The following MSRA variants were observed in gnomAD, a reference collection of about 807,000 sequenced individuals.
MSRA encodes methionine sulfoxide reductase A.
MSRA carries 54 observed loss-of-function variants against 31.3 expected under a neutral mutation model. The observed-to-expected ratio is 1.73, with a 90% confidence interval of 1.39 to 2.17. The LOEUF (loss-of-function observed/expected upper bound fraction) is 2.17, where lower values mean the gene tolerates loss of function less well. Among genes scored for constraint, MSRA ranks in the 30% most tolerant of loss-of-function variants. MSRA has a pLI of 0.00. For missense variants in MSRA, 507 were observed against 300.9 expected, an observed-to-expected ratio of 1.69 and a Z score of -5.07; for synonymous variants, 169 against 116.5, an observed-to-expected ratio of 1.45 and a Z score of -2.90.
At chr8:10,301,382 G>A (rs898123815) in intron 3 of MSRA, 152 bp from the exon 4 acceptor site, 16 of 610,498 alleles carry the variant, frequency 2.6e-5, no homozygotes, top group Non-Finnish European at 3.7e-5. Flanking sequence ...AGAGCCTTGA[G>A]AGAGACTCTT....
intron 1 of MSRA, among the ~76,000 whole-genome samples, chr8:10,121,074 A>G (rs1807266291): frequency 2.6e-5 from 4 of 152,230 alleles, no homozygotes; most frequent in Admixed American, 2.6e-4. Flanking sequence ...AAAAAATGCC[A>G]TTTGAAATGG....
chr8:10,081,320 C>T (rs1034170922), intron 1 of MSRA, among the ~76,000 whole-genome samples: 1 of 152,212 alleles, frequency 6.6e-6, no homozygotes, highest in Non-Finnish European at 1.5e-5. Flanking sequence ...GGGCCTCCTG[C>T]TCCTTGGCTT....
chr8:10,106,969 C>T (rs1014539034), intron 1 of MSRA, among the ~76,000 whole-genome samples: 2 of 152,232 alleles, frequency 1.3e-5, no homozygotes, highest in Non-Finnish European at 2.9e-5. Context: ...CCATCTACCC[C>T]ATCCGTCCAT....
At chr8:10,218,927 G>C (rs562131667) in intron 2 of MSRA, among the ~76,000 whole-genome samples, 4 of 152,340 alleles carry the variant, frequency 2.6e-5, no homozygotes, top group East Asian at 1.9e-4. Flanking sequence ...TCAGGTGGCA[G>C]AAGGCAGGTT....
At chr8:10,228,004 C>G (rs1392551972) in intron 2 of MSRA, among the ~76,000 whole-genome samples, 1 of 152,170 alleles carries the variant, frequency 6.6e-6, no homozygotes, top group Non-Finnish European at 1.5e-5. Flanking sequence ...TGAAATCTGT[C>G]TTTGAATCCC....
chr8:10,406,423 G>T (rs1414607712), intron 5 of MSRA, among the ~76,000 whole-genome samples: 1 of 152,216 alleles, frequency 6.6e-6, no homozygotes, highest in Non-Finnish European at 1.5e-5. Context: ...GTACAGAAAG[G>T]CTAAGTGACT....
intron 1 of MSRA, among the ~76,000 whole-genome samples, chr8:10,075,814 C>A (rs1797967651): frequency 6.6e-6 from 1 of 152,202 alleles, no homozygotes; most frequent in Admixed American, 6.5e-5. Context: ...CTGTTAGCAT[C>A]ATTCATATTT....
intron 1 of MSRA, among the ~76,000 whole-genome samples, chr8:10,200,567 G>A (rs1808406325): frequency 6.6e-6 from 1 of 152,156 alleles, no homozygotes; most frequent in African/African-American, 2.4e-5. Flanking sequence ...GGTCAGGGAG[G>A]AGCACTGGGA....
At chr8:10,387,474 A>G (rs1037234168) in intron 5 of MSRA, among the ~76,000 whole-genome samples, 2 of 152,210 alleles carry the variant, frequency 1.3e-5, no homozygotes, top group African/African-American at 4.8e-5. Flanking sequence ...TTGAGGCTTA[A>G]AGACCATTTT....
At chr8:10,057,384 G>A (rs1316274774) in intron 1 of MSRA, among the ~76,000 whole-genome samples, 2 of 152,186 alleles carry the variant, frequency 1.3e-5, no homozygotes, top group Non-Finnish European at 2.9e-5. Flanking sequence ...TTGTTGAAGT[G>A]TATTGGTATT....
At chr8:10,346,039 T>G (rs572539878) in intron 5 of MSRA, among the ~76,000 whole-genome samples, 2 of 144,418 alleles carry the variant, frequency 1.4e-5, no homozygotes, top group Admixed American at 1.4e-4. Context: ...TGGCTCATTG[T>G]ATTGTGTTTA....
intron 5 of MSRA, among the ~76,000 whole-genome samples, chr8:10,339,533 T>TA (rs1803278331): frequency 3.9e-5 from 1 of 25,346 alleles, no homozygotes; most frequent in African/African-American, 2.4e-4. Context: ...CTTTCTTTCT[T>TA]TTTTTTTTTT....
At chr8:10,294,860 G>T (rs1007309279) in intron 3 of MSRA, among the ~76,000 whole-genome samples, 2 of 152,108 alleles carry the variant, frequency 1.3e-5, no homozygotes, top group Non-Finnish European at 2.9e-5. Context: ...GACCAGGGCC[G>T]GCTTGGGAGG....
chr8:10,281,992 T>A (rs1279167770), intron 3 of MSRA, among the ~76,000 whole-genome samples: 1 of 152,116 alleles, frequency 6.6e-6, no homozygotes, highest in African/African-American at 2.4e-5. Context: ...AGGTGGAGGG[T>A]TATAGTTTTG....
At chr8:10,319,364 G>A (rs1239175033) in intron 4 of MSRA, among the ~76,000 whole-genome samples, 1 of 152,086 alleles carries the variant, frequency 6.6e-6, no homozygotes, top group African/African-American at 2.4e-5. Flanking sequence ...GCTCTTTGCT[G>A]ACTTTAAGTT....
intron 1 of MSRA, among the ~76,000 whole-genome samples, chr8:10,204,174 A>T (rs970985299): frequency 2.0e-5 from 3 of 152,212 alleles, no homozygotes; most frequent in Non-Finnish European, 4.4e-5. Context: ...ACAACAGTCG[A>T]AAAGTAAAAA....
chr8:10,255,478 C>G (rs1276330131), intron 3 of MSRA, among the ~76,000 whole-genome samples: 1 of 152,196 alleles, frequency 6.6e-6, no homozygotes, highest in Non-Finnish European at 1.5e-5. Context: ...TAATGTAAAG[C>G]TGTCCCTTCC....
chr8:10,413,224 G>C (rs756179589), intron 5 of MSRA, among the ~76,000 whole-genome samples: 1 of 152,198 alleles, frequency 6.6e-6, no homozygotes, highest in Non-Finnish European at 1.5e-5. Flanking sequence ...GAAGCTTCCT[G>C]TGCTCTAGCG....
At chr8:10,163,369 A>T (rs1585067808) in intron 1 of MSRA, among the ~76,000 whole-genome samples, 1 of 152,086 alleles carries the variant, frequency 6.6e-6, no homozygotes, top group South Asian at 2.1e-4. Context: ...TCTAAACGGC[A>T]CCCACCTTAT....
Sources: allele counts gnomAD v4.1 joint callset (sites outside exome capture counted in the v4.1 genomes callset), GRCh38; gene constraint gnomAD v4.1.1; transcripts MANE v1.5; gene names NCBI Gene and HGNC (gene_info 2026-07-23, HGNC 2026-07-21).